The following PDE10A variants were observed in gnomAD, a reference collection of about 807,000 sequenced individuals.
PDE10A encodes cAMP and cAMP-inhibited cGMP 3',5'-cyclic phosphodiesterase 10A.
In PDE10A, 39 loss-of-function variants were observed where a neutral mutation model predicts 97.7. The observed-to-expected ratio is 0.40, with a 90% CI of 0.31 to 0.52. The LOEUF is 0.52. PDE10A is among the 20% of genes least tolerant of loss of function. PDE10A has a pLI of 0.56. For missense variants in PDE10A, 731 were observed against 1,047.8 expected, an observed-to-expected ratio of 0.70 and a Z score of 4.17; for synonymous variants, 371 against 376.8, an observed-to-expected ratio of 0.98 and a Z score of 0.18.
rs370865492 is a variant in PDE10A, at chr6:165,567,993, C to CCTTTTTTTTTTTTTTTTTTT, written c.866-24426_866-24425insAAAAAAAAAAAAAAAAAAAG. The stretch of plus-strand genomic sequence containing the variant: ...AGCACACAATAGGTACGCAACAAGG[C>CCTTTTTTTTTTTTTTTTTTT]ATTTTTTTTTTTTTTTTTTTTTTGA... On this transcript the variant is annotated intron_variant, in intron 1 of 21. Coordinates refer to ENST00000539869, the MANE Select transcript of PDE10A (RefSeq NM_001385079.1). Among the ~76,000 whole-genome samples, 2 of 115,602 alleles carry CCTTTTTTTTTTTTTTTTTTT rather than the reference C, an allele frequency of 1.7e-5. 1 individual carries two copies. Among genetic ancestry groups the CCTTTTTTTTTTTTTTTTTTT allele is most frequent in the Non-Finnish European group, 3.4e-5 (2 of 58,390 alleles). 75.8% of individuals were successfully genotyped at this position (115,602 alleles called of 152,430 possible).
intron 1 of PDE10A, among the ~76,000 whole-genome samples, chr6:165,943,234 A>AGAAAGAAGGAAGGAAG (rs1783618763): frequency 2.9e-5 from 1 of 34,056 alleles, no homozygotes; most frequent in Non-Finnish European, 5.6e-5. Flanking sequence ...AAAGAAAGAA[A>AGAAAGAAGGAAGGAAG]GAAGGAAGGA....
chr6:165,870,602 G>C (rs1430858748), intron 1 of PDE10A, among the ~76,000 whole-genome samples: 1 of 152,120 alleles, frequency 6.6e-6, no homozygotes, highest in East Asian at 1.9e-4. Flanking sequence ...TCCACTACTG[G>C]GTATTTATCC....
rs757915862 is a variant in PDE10A at position 165,825,404 on chromosome 6, T to C, written c.-615+162125A>G. On this transcript the variant is annotated intron_variant, in intron 1 of 19. Coordinates refer to the PDE10A transcript ENST00000366882. The stretch of plus-strand genomic sequence containing the variant: ...GAGGGCCCCGTTAAGTCATCACTCA[T>C]GCTAGCAGGCCTCAAGCTGTGTGGT... Among the ~76,000 whole-genome samples the C allele has an allele frequency of 9.2e-5, 14 of 152,136 alleles. 1 individual carries two copies. The highest frequency in any genetic ancestry group is 6.2e-4 in the South Asian group (3 of 4,828).
At position 165,542,612 on chromosome 6, in the gene PDE10A, CTT is replaced by C. The variant is rs545149187; in HGVS notation, c.994+826_994+827del. Among the ~76,000 whole-genome samples the C allele has an allele frequency of 9.4e-3, 716 of 76,298 alleles. 4 individuals are homozygous for C. Among genetic ancestry groups the C allele is most frequent in the African/African-American group, 0.031 (672 of 21,650 alleles). The allele number at this position is 76,298 out of a possible 152,430, so 50.1% of individuals were successfully genotyped here. A position where few individuals can be genotyped will look rare whatever the true frequency, so the allele number is the denominator to read the frequency against. On this transcript the variant is annotated intron_variant, in intron 2 of 21. Transcript: ENST00000539869. ...TTTAGGTCAAAAAGATGTCCTTGTTCTTTTTTTTTTTTTTTTTTTTTTTTTTG... is the reference window on the plus strand; with the variant it reads ...TTTAGGTCAAAAAGATGTCCTTGTTCTTTTTTTTTTTTTTTTTTTTTTTTG...
intron 1 of PDE10A, among the ~76,000 whole-genome samples, chr6:165,916,730 C>A (rs1292700391): frequency 1.3e-5 from 2 of 152,074 alleles, no homozygotes; most frequent in Non-Finnish European, 2.9e-5. Context: ...CAAAACAAAG[C>A]AAAAAACGGA....
chr6:165,837,254 T>G (rs1055801254), intron 1 of PDE10A, among the ~76,000 whole-genome samples: 6 of 151,584 alleles, frequency 4.0e-5, no homozygotes, highest in Admixed American at 3.9e-4. Flanking sequence ...CCCAGAGAAA[T>G]GAAATACTGT....
chr6:165,839,992 A>C (rs1780206993), intron 1 of PDE10A, among the ~76,000 whole-genome samples: 10 of 4,318 alleles, frequency 2.3e-3, no homozygotes, highest in African/African-American at 3.9e-3. Flanking sequence ...CCCATCTCCA[A>C]CTCCATCCCA....
chr6:165,576,443 C>A, intron 1 of PDE10A: 1 of 780,882 alleles, frequency 1.3e-6, no homozygotes, highest in Non-Finnish European at 2.4e-6. Context: ...TCTCTTCTAT[C>A]CTCATTCTAC....
intron 11 of PDE10A, among the ~76,000 whole-genome samples, chr6:165,416,576 C>T (rs1336606997): frequency 6.6e-6 from 1 of 152,132 alleles, no homozygotes; most frequent in African/African-American, 2.4e-5. Context: ...TTGCGAAGCA[C>T]CTTATAATTT....
chr6:165,405,069 A>G (rs1475619025), intron 13 of PDE10A, among the ~76,000 whole-genome samples: 1 of 139,864 alleles, frequency 7.1e-6, no homozygotes, highest in African/African-American at 2.7e-5. Flanking sequence ...TGGATTTGAA[A>G]GCACTGGGAA....
intron 1 of PDE10A, among the ~76,000 whole-genome samples, chr6:165,629,587 G>A (rs1460800993): frequency 3.4e-5 from 5 of 147,734 alleles, no homozygotes; most frequent in African/African-American, 7.6e-5. Context: ...GTGCAGGAGT[G>A]CGATGGTGCC....
At chr6:165,921,162 A>C (rs1479593317) in intron 1 of PDE10A, among the ~76,000 whole-genome samples, 1 of 152,206 alleles carries the variant, frequency 6.6e-6, no homozygotes, top group Non-Finnish European at 1.5e-5. Flanking sequence ...CATACCTCTG[A>C]CTGTGTTCTG....
upstream of PDE10A, among the ~76,000 whole-genome samples, chr6:165,663,313 A>C (rs1285575937): frequency 6.6e-6 from 1 of 151,468 alleles, no homozygotes; most frequent in African/African-American, 2.4e-5. Context: ...GCCCCGCGGG[A>C]CTCGGCCCCT....
intron 1 of PDE10A, among the ~76,000 whole-genome samples, chr6:165,956,260 C>T (rs1784131989): frequency 6.6e-6 from 1 of 152,126 alleles, no homozygotes; most frequent in African/African-American, 2.4e-5. Context: ...AGAAATAACC[C>T]AAATACTATT....
intron 3 of PDE10A, among the ~76,000 whole-genome samples, chr6:165,460,852 T>G (rs943753453): frequency 5.3e-5 from 8 of 152,068 alleles, no homozygotes; most frequent in African/African-American, 1.9e-4. Context: ...ATGTCCCTGG[T>G]ATGGGACTAA....
chr6:165,832,483 G>A (rs139702289), intron 1 of PDE10A, among the ~76,000 whole-genome samples: 1 of 152,206 alleles, frequency 6.6e-6, no homozygotes, highest in East Asian at 1.9e-4. Context: ...CATTGAGTGG[G>A]GACCTCATTT....
At chr6:165,531,186 T>C (rs765633743) in intron 2 of PDE10A, among the ~76,000 whole-genome samples, 8 of 152,174 alleles carry the variant, frequency 5.3e-5, no homozygotes, top group Non-Finnish European at 1.0e-4. Context: ...TACGTTGCCC[T>C]TTCCTTTTAG....
At chr6:165,782,607 T>C (rs1583080883) in intron 1 of PDE10A, among the ~76,000 whole-genome samples, 2 of 152,238 alleles carry the variant, frequency 1.3e-5, no homozygotes, top group African/African-American at 2.4e-5. Flanking sequence ...ACATTTCCTC[T>C]GGAACTTGGA....
At chr6:165,454,344 T>C (rs754484784) in intron 3 of PDE10A, among the ~76,000 whole-genome samples, 1 of 152,172 alleles carries the variant, frequency 6.6e-6, no homozygotes, top group Non-Finnish European at 1.5e-5. Flanking sequence ...GTACACTACA[T>C]GTTAAAAGGA....
Sources: gnomAD v4.1 joint callset for allele counts (sites outside exome capture counted in the v4.1 genomes callset) on GRCh38, gnomAD v4.1.1 for gene constraint, MANE v1.5 for transcripts, NCBI Gene and HGNC (gene_info 2026-07-23, HGNC 2026-07-21) for gene names.